Variants in PHLDB1 observed in about 807,000 individuals in gnomAD.
The protein encoded by PHLDB1 is pleckstrin homology like domain family B member 1, also known as pleckstrin homology-like domain family B member 1.
A neutral mutation model predicts 139.3 loss-of-function variants in PHLDB1; 65 were observed. The ratio of observed to expected loss-of-function variants is 0.47; its 90% CI spans 0.38 to 0.57. The LOEUF is 0.57. PHLDB1 is among the 20% of genes least tolerant of loss of function. The pLI is 0.00. For missense variants in PHLDB1, 1,624 were observed against 1,839.7 expected (o/e 0.88, Z 2.14); for synonymous variants, 679 against 734.5 (o/e 0.92, Z 1.22).
In PHLDB1 at chr11:118,643,509, G is replaced by A. The variant is rs1302849370; in HGVS notation, c.2878-291G>A. Reference sequence around the variant, plus strand: ...GAACCCAGCTTCTAGTTGGTCTCCTGCACAACTGCCTGACTGACATTAAAT... The same window carrying A: ...GAACCCAGCTTCTAGTTGGTCTCCTACACAACTGCCTGACTGACATTAAAT... On this transcript the variant is annotated intron_variant, in intron 13 of 22. Transcript: ENST00000600882. The A allele has an allele frequency of 2.3e-5, 23 of 985,294 alleles. No homozygotes were observed. In the African/African-American group the frequency reaches 3.8e-4, roughly 16 times the overall value. 61.0% of individuals were successfully genotyped at this position (985,294 alleles called of 1,614,324 possible).
In PHLDB1 at chr11:118,614,539, T is replaced by C. The variant is rs781800913; in HGVS notation, c.61-20T>C. ...GTGCTGAATCTAATGATGCTTGTCC[T>C]CCACCCGTACTACCTACAGAAAGGA... On this transcript the variant is annotated intron_variant, in intron 2 of 22. Coordinates refer to ENST00000600882, the MANE Select transcript of PHLDB1 (RefSeq NM_001144758.3). The C allele has an allele frequency of 1.9e-6, 3 of 1,613,048 alleles. No individual in the cohort carries two copies. The African/African-American group carries it at 4.0e-5, about 22-fold the overall frequency.
intron 20 of PHLDB1, chr11:118,652,128 CAG>C (rs1314808032): frequency 4.6e-5 from 7 of 152,292 alleles, no homozygotes; most frequent in African/African-American, 9.7e-5. Context: ...GAAAGGGCTG[CAG>C]AGTTTGGTGC....
chr11:118,653,982 T>A (rs1395017703), intron 20 of PHLDB1: 1 of 152,150 alleles, frequency 6.6e-6, no homozygotes, highest in Non-Finnish European at 1.5e-5. Context: ...GAAGCTCAGA[T>A]AGGACTTGGG....
chr11:118,607,627 A>C lies in PHLDB1; in HGVS notation c.-94A>C, dbSNP rs137931146. 6.6e-6 allele frequency: 1 copy of C among 151,994 alleles called. No individual in the cohort carries two copies. The highest frequency in any genetic ancestry group is 2.1e-4 in the South Asian group (1 of 4,820). 9.4% of individuals were successfully genotyped at this position (151,994 alleles called of 1,614,324 possible). ...GGGGAAAAGCAACGGTGTCCTCCTA[A>C]GCCTGAGGCCACCGCGACCGAGCCG... On this transcript the variant is annotated 5_prime_UTR_variant, in exon 1 of 23. Transcript: ENST00000600882.
intron 20 of PHLDB1, chr11:118,654,831 C>T (rs1948822385): frequency 6.7e-6 from 1 of 149,232 alleles, no homozygotes; most frequent in Non-Finnish European, 1.5e-5. Flanking sequence ...GATTCTCCTG[C>T]CTCAGGCTCC....
In PHLDB1 at chr11:118,632,335, T is replaced by A; in HGVS notation, c.2379+39T>A. 1 of 1,606,644 alleles carries A rather than the reference T, an allele frequency of 6.2e-7. No homozygotes were observed. Among genetic ancestry groups the A allele is most frequent in the Non-Finnish European group, 8.5e-7 (1 of 1,175,048 alleles). On this transcript the variant is annotated intron_variant, in intron 9 of 22. Coordinates refer to ENST00000600882, the MANE Select transcript of PHLDB1 (RefSeq NM_001144758.3). The surrounding 1 kb of genome is among the most constrained non-coding windows in gnomAD (Gnocchi z 5.9). ...GGCCCAGCTTAGTGCTGGGTACCAGTGGCCTGGGAGAGAAGGAGAAATGTC... is the reference window on the plus strand; with the variant it reads ...GGCCCAGCTTAGTGCTGGGTACCAGAGGCCTGGGAGAGAAGGAGAAATGTC...
chr11:118,647,917 G>T lies in PHLDB1; in HGVS notation c.3508-13G>T. 1 of 1,558,634 alleles carries T rather than the reference G, an allele frequency of 6.4e-7. No individual in the cohort carries two copies. Among genetic ancestry groups the T allele is most frequent in the Non-Finnish European group, 8.7e-7 (1 of 1,151,778 alleles). On this transcript the variant is annotated splice_polypyrimidine_tract_variant and intron_variant, in intron 17 of 22. Coordinates refer to ENST00000600882, the MANE Select transcript of PHLDB1 (RefSeq NM_001144758.3). ...GATGGCCATAGGTGCTGACCCCTTG[G>T]CTTTGGGGGCAGGAGCGGGAGATGG...
chr11:118,642,197 C>A, intron 12 of PHLDB1, 57 bp from the exon 13 acceptor site: 1 of 1,519,954 alleles, frequency 6.6e-7, no homozygotes, highest in East Asian at 2.2e-5. Flanking sequence ...ATTTCCTGGC[C>A]TTTCCTCTCC....
intron 4 of PHLDB1, among the ~76,000 whole-genome samples, chr11:118,618,653 C>T (rs904889717): frequency 2.0e-5 from 3 of 151,886 alleles, no homozygotes; most frequent in African/African-American, 7.3e-5. Flanking sequence ...GTATATGAGA[C>T]CCCACTAGTC....
At position 118,639,267 on chromosome 11, in the gene PHLDB1, T is replaced by C; in HGVS notation, c.2736+16T>C. 1 of 1,599,744 alleles carries C rather than the reference T, an allele frequency of 6.3e-7. No individual in the cohort carries two copies. Among genetic ancestry groups the C allele is most frequent in the South Asian group, 1.1e-5 (1 of 90,734 alleles). On this transcript the variant is annotated intron_variant, in intron 12 of 22. Transcript: ENST00000600882. ...CCTCAAAGAGGTATCATGATTGGAT[T>C]AGCCCCAGCTTCAGGCCCAAGGCGT...
At position 118,650,091 on chromosome 11, in the gene PHLDB1, C is replaced by A; in HGVS notation, c.3669C>A (p.Thr1223=). 3 of 1,614,052 alleles carry A rather than the reference C, an allele frequency of 1.9e-6. No homozygotes were observed. The highest frequency in any genetic ancestry group is 2.5e-6 in the Non-Finnish European group (3 of 1,179,890). ...EKQFSQARPL[T]RYLPIRKEDF... ...CTTGCTCCCAGGCACGACCCCTGAC[C>A]CGCTACCTGCCAATCCGGAAGGAGG... is the stretch of plus-strand genomic sequence containing the variant. The change falls in exon 19 of 23, where the codon ACC becomes ACA. Residue 1223 remains threonine (T), a synonymous_variant. Coordinates refer to ENST00000600882, the MANE Select transcript of PHLDB1 (RefSeq NM_001144758.3). The surrounding 1 kb of genome is among the most constrained non-coding windows in gnomAD (Gnocchi z 4.7).
chr11:118,617,348 T>C (rs1941851491), intron 4 of PHLDB1, among the ~76,000 whole-genome samples: 1 of 152,170 alleles, frequency 6.6e-6, no homozygotes, highest in Non-Finnish European at 1.5e-5. Flanking sequence ...TCTTACTGCC[T>C]AGAAGCCCCT....
At position 118,645,579 on chromosome 11, in the gene PHLDB1, G is replaced by A. The variant is rs781857003; in HGVS notation, c.3345G>A (p.Glu1115=). ...GEHAYDTLSL[E]SSDSMETSIS... is the part of the protein sequence containing the mutation. ...ACGCCTATGATACGCTGAGTCTGGA[G>A]AGCTCTGACAGCATGGAGACCAGCA... The change falls in exon 16 of 23, where the codon GAG becomes GAA. Residue 1115 remains glutamate (E), a synonymous_variant. Coordinates refer to ENST00000600882, the MANE Select transcript of PHLDB1 (RefSeq NM_001144758.3). The surrounding 1 kb of genome is among the most constrained non-coding windows in gnomAD (Gnocchi z 5.1). 6.2e-7 allele frequency: 1 copy of A among 1,613,924 alleles called. No homozygotes were observed. The highest frequency in any genetic ancestry group is 1.1e-5 in the South Asian group (1 of 91,042).
At chr11:118,614,099 G>A (rs1320387557) in intron 2 of PHLDB1, among the ~76,000 whole-genome samples, 3 of 152,070 alleles carry the variant, frequency 2.0e-5, no homozygotes, top group Non-Finnish European at 2.9e-5. Context: ...TCGAAAGTCC[G>A]AAAGCAGTTT....
chr11:118,634,952 G>A (rs782191478), intron 9 of PHLDB1: 3 of 456,944 alleles, frequency 6.6e-6, no homozygotes, highest in East Asian at 6.9e-5. Flanking sequence ...CGGGACGGAG[G>A]CACCTGGAGG....
At chr11:118,633,909 T>G (rs987529745) in intron 9 of PHLDB1, 1 of 152,108 alleles carries the variant, frequency 6.6e-6, no homozygotes, top group Non-Finnish European at 1.5e-5. Context: ...GACCTGGAGT[T>G]TTTTGGAGGC....
chr11:118,617,618 A>G (rs1479653224), intron 4 of PHLDB1, among the ~76,000 whole-genome samples: 2 of 148,910 alleles, frequency 1.3e-5, no homozygotes, highest in Non-Finnish European at 3.0e-5. Flanking sequence ...GGCACCTGCC[A>G]CCGCCCGGCT....
Position 118,650,479 on chromosome 11 carries a change from A to G in PHLDB1, c.3806A>G (p.Lys1269Arg), listed in dbSNP as rs1555135366. 2 of 1,614,050 alleles carry G rather than the reference A, an allele frequency of 1.2e-6. No individual in the cohort carries two copies. Among genetic ancestry groups the G allele is most frequent in the African/African-American group, 2.7e-5 (2 of 74,926 alleles). The change falls in exon 20 of 23, where the codon AAG becomes AGG. Residue 1269 changes from lysine (K) to arginine (R), a missense_variant. By Grantham distance (26) the Lys-to-Arg change is conservative. Coordinates refer to ENST00000600882, the MANE Select transcript of PHLDB1 (RefSeq NM_001144758.3). The surrounding 1 kb of genome is among the most constrained non-coding windows in gnomAD (Gnocchi z 4.7). Reference sequence around the variant, plus strand: ...GGCTACTTGGTCAAGATGGGCGGCAAGATTAAATCATGGAAGAAGCGCTGG... The same window carrying G: ...GGCTACTTGGTCAAGATGGGCGGCAGGATTAAATCATGGAAGAAGCGCTGG... ...CRGYLVKMGGKIKSWKKRWFV... is the reference protein window; with the variant it reads ...CRGYLVKMGGRIKSWKKRWFV...
intron 12 of PHLDB1, chr11:118,639,913 T>G: frequency 2.0e-6 from 2 of 986,248 alleles, no homozygotes; most frequent in Non-Finnish European, 2.4e-6. Flanking sequence ...ACTAAGGCTC[T>G]GGGCCTTTTC....
Sources: allele counts gnomAD v4.1 joint callset (sites outside exome capture counted in the v4.1 genomes callset), GRCh38; gene constraint gnomAD v4.1.1; non-coding constraint Gnocchi (gnomAD v3.1); transcripts MANE v1.5; gene names NCBI Gene and HGNC (gene_info 2026-07-23, HGNC 2026-07-21).